Variants in SLC39A13 observed in about 807,000 individuals in gnomAD.
The protein encoded by SLC39A13 is zinc transporter ZIP13.
In SLC39A13, 18 loss-of-function variants were observed where a neutral mutation model predicts 38.7. That is an observed-to-expected ratio of 0.47 (90% CI 0.32 to 0.69). SLC39A13 has a LOEUF of 0.69. SLC39A13 is among the 30% of genes least tolerant of loss of function. SLC39A13 has a pLI of 0.03. For synonymous variants in SLC39A13, 212 were observed against 219.1 expected, an observed-to-expected ratio of 0.97 and a Z score of 0.29; for missense variants, 395 against 490.7, an observed-to-expected ratio of 0.80 and a Z score of 1.84.
chr11:47,410,254 G>C lies in SLC39A13; in HGVS notation c.160G>C (p.Glu54Gln). ...CTGTCGCCTGGACAACAAGGAAAGC[G>C]AGTCCTGGGGGGCTCTGCTGAGCGG... is the stretch of plus-strand genomic sequence containing the variant. ...TACRLDNKES[E>Q]SWGALLSGER... The change falls in exon 2 of 10, where the codon GAG (glutamate) becomes CAG (glutamine). Residue 54 changes from glutamate (E) to glutamine (Q), a missense_variant. By Grantham distance (29) the Glu-to-Gln change is conservative. Coordinates refer to ENST00000362021, the MANE Select transcript of SLC39A13 (RefSeq NM_001128225.3). 6.2e-7 allele frequency: 1 copy of C among 1,614,148 alleles called. No homozygotes were observed. Among genetic ancestry groups the C allele is most frequent in the Non-Finnish European group, 8.5e-7 (1 of 1,180,028 alleles).
In SLC39A13 at chr11:47,410,312, T is replaced by G. The variant is rs2095991807; in HGVS notation, c.218T>G (p.Leu73Arg). 1.2e-6 allele frequency: 2 copies of G among 1,614,106 alleles called. No homozygotes were observed. Among genetic ancestry groups the G allele is most frequent in the South Asian group, 2.2e-5 (2 of 91,082 alleles). Residue 73 changes from leucine (L) to arginine (R), a missense_variant, in exon 2 of 10, where the codon CTG (leucine) becomes CGG (arginine). Transcript: ENST00000362021. ...CTGGACACCTGGATCTGCTCCCTCC[T>G]GGGTTCCCTCATGGTGGGGCTCAGT... ...ERLDTWICSL[L>R]GSLMVGLSGV...
chr11:47,409,901 A>G (rs2095988920), intron 1 of SLC39A13, 186 bp from the exon 2 acceptor site: 1 of 645,018 alleles, frequency 1.6e-6, no homozygotes, highest in Non-Finnish European at 2.7e-6. Context: ...AGTGCTCAGG[A>G]GTAGGGTGTG....
At chr11:47,412,090 G>A (rs1217568761) in intron 3 of SLC39A13, 51 bp downstream of exon 3, 1 of 1,555,888 alleles carries the variant, frequency 6.4e-7, no homozygotes, top group Non-Finnish European at 8.7e-7. Context: ...GTGGGGGCCT[G>A]GTGCCCACGC....
At position 47,410,210 on chromosome 11, in the gene SLC39A13, G is replaced by A. The variant is rs775918761; in HGVS notation, c.116G>A (p.Ser39Asn). The change falls in exon 2 of 10, where the codon AGC becomes AAC. Residue 39 changes from serine (S) to asparagine (N), a missense_variant. Physicochemically the swap from Ser to Asn is conservative, Grantham distance 46 (BLOSUM62 1). Transcript: ENST00000362021. Reference protein sequence around the residue: ...RAGGSQPALRSRGTATACRLD... With the variant: ...RAGGSQPALRNRGTATACRLD... ...GGGGGTTCCCAGCCGGCCCTCCGGAGCCGGGGGACTGCGACGGCCTGTCGC... is the reference window on the plus strand; with the variant it reads ...GGGGGTTCCCAGCCGGCCCTCCGGAACCGGGGGACTGCGACGGCCTGTCGC... The A allele has an allele frequency of 9.3e-6, 15 of 1,613,884 alleles. No homozygotes were observed. Among genetic ancestry groups the A allele is most frequent in the Non-Finnish European group, 1.3e-5 (15 of 1,180,008 alleles).
Position 47,414,839 on chromosome 11 carries a change from A to T in SLC39A13, c.849A>T (p.Gln283His), listed in dbSNP as rs1468079148. Residue 283 changes from glutamine to histidine, a missense_variant, in exon 8 of 10, where the codon CAA becomes CAT. Gln to His is a conservative substitution (Grantham distance 24). Transcript: ENST00000362021. ...GFDRWSAAKL[Q>H]LSTALGGLLG... ...ACCGATGGAGCGCAGCCAAGCTGCAACTCTCAACAGCGCTGGGGGGCCTAC... is the reference window on the plus strand; with the variant it reads ...ACCGATGGAGCGCAGCCAAGCTGCATCTCTCAACAGCGCTGGGGGGCCTAC... 6.2e-7 allele frequency: 1 copy of T among 1,612,470 alleles called. No individual in the cohort carries two copies. The highest frequency in any genetic ancestry group is 8.5e-7 in the Non-Finnish European group (1 of 1,179,944).
At position 47,413,583 on chromosome 11, in the gene SLC39A13, T is replaced by C. The variant is rs770163622; in HGVS notation, c.646-14T>C. 1.2e-6 allele frequency: 2 copies of C among 1,614,144 alleles called. No individual in the cohort carries two copies. The highest frequency in any genetic ancestry group is 8.5e-7 in the Non-Finnish European group (1 of 1,180,012). ...CCCCACTCAGCCCTGCCTCCTGCCT[T>C]CCCTCCTTCCCAGGTCAGCGGCTAC... is the stretch of plus-strand genomic sequence containing the variant. On this transcript the variant is annotated splice_polypyrimidine_tract_variant and intron_variant, in intron 5 of 9. Coordinates refer to ENST00000362021, the MANE Select transcript of SLC39A13 (RefSeq NM_001128225.3).
rs755967265 is a variant in SLC39A13 at position 47,415,296 on chromosome 11, T to G, written c.1049T>G (p.Leu350Arg). ...LLEEEDPWRS[L>R]QQLLLLCAGI... Reference sequence around the variant, plus strand: ...CCGTTCCCTCCCCACAGGCGCTCCCTGCAGCAGCTGCTTCTGCTCTGTGCG... The same window carrying G: ...CCGTTCCCTCCCCACAGGCGCTCCCGGCAGCAGCTGCTTCTGCTCTGTGCG... Residue 350 changes from leucine to arginine, a missense_variant, in exon 10 of 10, where the codon CTG (leucine) becomes CGG (arginine). By Grantham distance (102) the Leu-to-Arg change is moderately radical (BLOSUM62 -2). Coordinates refer to ENST00000362021, the MANE Select transcript of SLC39A13 (RefSeq NM_001128225.3). The G allele has an allele frequency of 6.2e-7, 1 of 1,614,026 alleles. No homozygotes were observed. The highest frequency in any genetic ancestry group is 1.1e-5 in the South Asian group (1 of 91,084).
At chr11:47,407,414 T>G (rs1010528502), upstream of SLC39A13, 1 of 152,278 alleles carries the variant, frequency 6.6e-6, no homozygotes, top group Non-Finnish European at 1.5e-5. Context: ...GAGAGCTGAG[T>G]GTGCTCTCAA....
Position 47,414,482 on chromosome 11 carries a change from G to C in SLC39A13, c.786+7G>C, listed in dbSNP as rs375548129. 3 of 1,611,670 alleles carry C rather than the reference G, an allele frequency of 1.9e-6. No individual in the cohort carries two copies. Among genetic ancestry groups the C allele is most frequent in the Admixed American group, 1.7e-5 (1 of 59,618 alleles). ...GCATGAGATCCCCCATGAGGTGAGC[G>C]CTTGTAGGGCAGCCCCCAGGGGCCC... On this transcript the variant is annotated splice_region_variant and intron_variant, in intron 7 of 9. Coordinates refer to ENST00000362021, the MANE Select transcript of SLC39A13 (RefSeq NM_001128225.3).
Position 47,415,135 on chromosome 11 carries a change from A to T in SLC39A13, c.1016A>T (p.Asp339Val). 3 of 1,612,440 alleles carry T rather than the reference A, an allele frequency of 1.9e-6. No homozygotes were observed. Among genetic ancestry groups the T allele is most frequent in the Non-Finnish European group, 2.5e-6 (3 of 1,179,274 alleles). ...LYIALVNVLP[D>V]LLEEEDPWRS... ...ATCGCCTTGGTGAACGTGCTCCCTG[A>T]CCTCTTGGAAGAAGAGGACCCGTGG... The change falls in exon 9 of 10, where the codon GAC becomes GTC. Residue 339 changes from aspartate (D) to valine (V), a missense_variant. Asp to Val is a radical substitution (Grantham distance 152). Transcript: ENST00000362021.
intron 1 of SLC39A13, 50 bp downstream of exon 1, chr11:47,408,712 C>T (rs1257264889): frequency 1.3e-5 from 2 of 152,900 alleles, no homozygotes; most frequent in Non-Finnish European, 2.9e-5. Flanking sequence ...GTGATGGACC[C>T]GGCCGATCCC....
intron 5 of SLC39A13, 21 bp downstream of exon 5, chr11:47,413,528 C>T: frequency 6.2e-7 from 1 of 1,613,898 alleles, no homozygotes; most frequent in Admixed American, 1.7e-5. Flanking sequence ...TGCTCAGGGC[C>T]CCTGCAGCCG....
chr11:47,412,199 G>A lies in SLC39A13; in HGVS notation c.416-147G>A, dbSNP rs1452789617. The A allele has an allele frequency of 4.6e-6, 6 of 1,309,000 alleles. No homozygotes were observed. In the South Asian group the frequency reaches 5.1e-5, roughly 11 times the overall value. 81.1% of individuals were successfully genotyped at this position (1,309,000 alleles called of 1,614,324 possible). On this transcript the variant is annotated intron_variant, in intron 3 of 9. Transcript: ENST00000362021. ...TCATTGTCCTGGTCTCTGGGCCCTG[G>A]TCCCAGTGGGAGTTCTGGGCCCCAG... is the stretch of plus-strand genomic sequence containing the variant.
At chr11:47,408,562 G>T (rs1455684337), upstream of SLC39A13, 1 of 146,444 alleles carries the variant, frequency 6.8e-6, no homozygotes, top group Non-Finnish European at 1.5e-5. Context: ...CGGGCCGGGG[G>T]CCGGGCGGCC....
Position 47,415,806 on chromosome 11 carries a change from C to T in SLC39A13, c.*443C>T, listed in dbSNP as rs541596451. The T allele has an allele frequency of 7.4e-6, 2 of 272,020 alleles. No individual in the cohort carries two copies. Among genetic ancestry groups the T allele is most frequent in the South Asian group, 4.0e-5 (1 of 25,230 alleles). The allele number at this position is 272,020 out of a possible 1,614,324, so 16.9% of individuals were successfully genotyped here. A position where few individuals can be genotyped will look rare whatever the true frequency, so the allele number is the denominator to read the frequency against. On this transcript the variant is annotated 3_prime_UTR_variant, in exon 10 of 10. Transcript: ENST00000362021. Reference sequence around the variant, plus strand: ...CCTCAGCACACACACAGTCCCCAGGCGGCCTAGGGGCCAAGGCTGGGGCGG... The same window carrying T: ...CCTCAGCACACACACAGTCCCCAGGTGGCCTAGGGGCCAAGGCTGGGGCGG...
At chr11:47,412,312 G>A (rs371377457) in intron 3 of SLC39A13, 34 bp from the exon 4 acceptor site, 3 of 1,598,542 alleles carry the variant, frequency 1.9e-6, no homozygotes, top group Non-Finnish European at 2.6e-6. Context: ...GCTTGGCTTG[G>A]CCTGGCCTGG....
chr11:47,410,039 G>A, intron 1 of SLC39A13, 48 bp from the exon 2 acceptor site: 1 of 1,607,986 alleles, frequency 6.2e-7, no homozygotes, highest in Non-Finnish European at 8.5e-7. Flanking sequence ...CTAAGCAGGT[G>A]TGCGGCCAAG....
rs146668907 is a variant in SLC39A13, at chr11:47,415,300, G to A, written c.1053G>A (p.Gln351=). 10 of 1,613,932 alleles carry A rather than the reference G, an allele frequency of 6.2e-6. No individual in the cohort carries two copies. The highest frequency in any genetic ancestry group is 8.5e-6 in the Non-Finnish European group (10 of 1,180,026). ...TCCCTCCCCACAGGCGCTCCCTGCA[G>A]CAGCTGCTTCTGCTCTGTGCGGGCA... ...LEEEDPWRSL[Q]QLLLLCAGIV... The change falls in exon 10 of 10, where the codon CAG becomes CAA. Residue 351 remains glutamine (Q), a synonymous_variant. Transcript: ENST00000362021.
Position 47,413,705 on chromosome 11 carries a change from G to C in SLC39A13, c.735+19G>C. 3.1e-6 allele frequency: 5 copies of C among 1,612,228 alleles called. No homozygotes were observed. Among genetic ancestry groups the C allele is most frequent in the Non-Finnish European group, 4.2e-6 (5 of 1,179,096 alleles). On this transcript the variant is annotated intron_variant, in intron 6 of 9. Transcript: ENST00000362021. ...CAAGAAGGTGAGGGGCTTGGGGCCA[G>C]TGGGGCTCTGGCGATTCCAGTGGCA...
Sources: allele counts gnomAD v4.1 joint callset, GRCh38; gene constraint gnomAD v4.1.1; transcripts MANE v1.5; gene names NCBI Gene and HGNC (gene_info 2026-07-23, HGNC 2026-07-21).